Variants in DSCAML1 observed in about 807,000 individuals in gnomAD.
DSCAML1 encodes DS cell adhesion molecule like 1, also known as cell adhesion molecule DSCAML1.
DSCAML1 carries 38 observed loss-of-function variants against 200.5 expected under a neutral mutation model. The observed-to-expected ratio is 0.19, with a 90% CI of 0.15 to 0.25. The LOEUF (loss-of-function observed/expected upper bound fraction) is 0.25. Among genes scored for constraint, DSCAML1 ranks in the 10% least tolerant of loss-of-function variants. DSCAML1 has a pLI of 1.00. For synonymous variants in DSCAML1, 1,215 were observed against 1,165.0 expected (o/e 1.04, Z -0.87); for missense variants, 2,223 against 2,858.8 (o/e 0.78, Z 5.07).
At chr11:117,460,468 G>A (rs1470086313) in intron 18 of DSCAML1, among the ~76,000 whole-genome samples, 14 of 152,144 alleles carry the variant, frequency 9.2e-5, no homozygotes, top group Non-Finnish European at 1.5e-4. Flanking sequence ...GGGCTGGGAG[G>A]CAGAAAGTGC....
intron 3 of DSCAML1, among the ~76,000 whole-genome samples, chr11:117,658,905 GACTGGAC>G (rs1195285319): frequency 1.3e-5 from 2 of 152,232 alleles, no homozygotes; most frequent in Non-Finnish European, 2.9e-5. Flanking sequence ...ATGTGGTGAA[GACTGGAC>G]CTTAGCTTCT....
At chr11:117,669,152 G>A (rs1417076126) in intron 3 of DSCAML1, among the ~76,000 whole-genome samples, 2 of 152,206 alleles carry the variant, frequency 1.3e-5, no homozygotes, top group African/African-American at 4.8e-5. Context: ...GACAATTACA[G>A]TCAATCCAGC....
chr11:117,550,633 G>A (rs1011399416), intron 3 of DSCAML1, among the ~76,000 whole-genome samples: 3 of 152,214 alleles, frequency 2.0e-5, no homozygotes, highest in Non-Finnish European at 2.9e-5. Flanking sequence ...GCAAGGAGAC[G>A]GGCCCCGCCA....
chr11:117,525,415 A>T (rs2049961041), intron 4 of DSCAML1, among the ~76,000 whole-genome samples: 1 of 151,456 alleles, frequency 6.6e-6, no homozygotes, highest in Non-Finnish European at 1.5e-5. Context: ...GCAGGGAGGG[A>T]GAGGGTGTGC....
At chr11:117,507,982 C>T (rs117328724) in intron 8 of DSCAML1, among the ~76,000 whole-genome samples, 3,543 of 152,262 alleles carry the variant, frequency 0.023, 63 homozygotes, top group Non-Finnish European at 0.037. Flanking sequence ...CCTGAGACCT[C>T]CCCGAGATCT....
chr11:117,778,725 G>T (rs1014265707), intron 2 of DSCAML1, among the ~76,000 whole-genome samples: 1 of 152,206 alleles, frequency 6.6e-6, no homozygotes, highest in Non-Finnish European at 1.5e-5. Flanking sequence ...AACCCAATGA[G>T]GGGGAGGTGA....
At chr11:117,431,822 GGAAGA>G (rs2047804011) in intron 30 of DSCAML1, 94 bp from the exon 31 acceptor site, 2 of 1,265,606 alleles carry the variant, frequency 1.6e-6, no homozygotes, top group Admixed American at 2.5e-5. Context: ...GGGGAGCAAG[GGAAGA>G]GGCAGATGCA....
intron 19 of DSCAML1, among the ~76,000 whole-genome samples, chr11:117,453,948 T>G (rs2048329943): frequency 6.6e-6 from 1 of 152,128 alleles, no homozygotes; most frequent in African/African-American, 2.4e-5. Flanking sequence ...TTCACCATGT[T>G]GGCCAGGCTG....
chr11:117,473,922 C>G (rs1592633413), intron 14 of DSCAML1, among the ~76,000 whole-genome samples: 1 of 151,982 alleles, frequency 6.6e-6, no homozygotes, highest in South Asian at 2.1e-4. Context: ...GGCAGGTGCT[C>G]CCTTCTCTCT....
chr11:117,604,635 G>A (rs541861395), intron 3 of DSCAML1, among the ~76,000 whole-genome samples: 68 of 152,366 alleles, frequency 4.5e-4, no homozygotes, highest in African/African-American at 1.6e-3. Context: ...GTCCAAGCCC[G>A]TTTGTTCACA....
At chr11:117,623,721 A>G (rs1356890224) in intron 3 of DSCAML1, among the ~76,000 whole-genome samples, 2 of 152,232 alleles carry the variant, frequency 1.3e-5, no homozygotes, top group African/African-American at 4.8e-5. Flanking sequence ...CAATGCCTCT[A>G]AAAGACTTAG....
intron 27 of DSCAML1, 149 bp downstream of exon 27, chr11:117,435,495 G>A (rs142718156): frequency 1.1e-6 from 1 of 898,778 alleles, no homozygotes; most frequent in African/African-American, 1.7e-5. Flanking sequence ...AACTAAGGAG[G>A]TTTCAGAAAG....
intron 3 of DSCAML1, among the ~76,000 whole-genome samples, chr11:117,724,299 T>C (rs2054087583): frequency 6.6e-6 from 1 of 152,086 alleles, no homozygotes; most frequent in Non-Finnish European, 1.5e-5. Context: ...TGGGTCCTCG[T>C]CCATAGGCAG....
chr11:117,763,175 C>T (rs2054836402), intron 3 of DSCAML1, among the ~76,000 whole-genome samples: 1 of 152,126 alleles, frequency 6.6e-6, no homozygotes, highest in Non-Finnish European at 1.5e-5. Flanking sequence ...TGGTCCCACC[C>T]ACCTGAAGGA....
intron 11 of DSCAML1, among the ~76,000 whole-genome samples, chr11:117,484,902 T>C (rs2049010025): frequency 1.7e-5 from 2 of 120,108 alleles, no homozygotes; most frequent in Non-Finnish European, 3.2e-5. Context: ...TGTGTGTGTG[T>C]GTGTGTGTGT....
chr11:117,758,178 A>T (rs2054729911), intron 3 of DSCAML1, among the ~76,000 whole-genome samples: 1 of 151,482 alleles, frequency 6.6e-6, no homozygotes, highest in South Asian at 2.1e-4. Flanking sequence ...GCAGGTGCCT[A>T]TAATCCCAGC....
At chr11:117,492,402 T>C (rs918728493) in intron 11 of DSCAML1, among the ~76,000 whole-genome samples, 2 of 152,182 alleles carry the variant, frequency 1.3e-5, no homozygotes. Context: ...GATGTCCTCT[T>C]CTTTGCCTTC....
At chr11:117,655,469 A>G (rs2052715375) in intron 3 of DSCAML1, among the ~76,000 whole-genome samples, 2 of 152,222 alleles carry the variant, frequency 1.3e-5, no homozygotes, top group Admixed American at 1.3e-4. Flanking sequence ...GAGGTTAAGT[A>G]TCTTGCCCAA....
At chr11:117,759,604 T>C (rs1323740200) in intron 3 of DSCAML1, among the ~76,000 whole-genome samples, 1 of 152,054 alleles carries the variant, frequency 6.6e-6, no homozygotes, top group Non-Finnish European at 1.5e-5. Context: ...TCCGGGCCTC[T>C]TGAGGCCACC....
Sources: allele counts gnomAD v4.1 joint callset (sites outside exome capture counted in the v4.1 genomes callset), GRCh38; gene constraint gnomAD v4.1.1; transcripts MANE v1.5; gene names NCBI Gene and HGNC (gene_info 2026-07-23, HGNC 2026-07-21).